CECR2: variants seen among roughly 807,000 people sequenced by gnomAD.
CECR2 encodes the protein CECR2 histone acetyl-lysine reader, also known as chromatin remodeling regulator CECR2.
A neutral mutation model predicts 154.5 loss-of-function variants in CECR2; 30 were observed. The ratio of observed to expected loss-of-function variants is 0.19; its 90% confidence interval spans 0.15 to 0.26. The LOEUF is 0.26. Ranked by LOEUF, CECR2 falls within the 10% of genes least tolerant of loss-of-function variation. The pLI is 1.00. For missense variants in CECR2, 1,743 were observed against 1,829.3 expected, an observed-to-expected ratio of 0.95 and a Z score of 0.86; for synonymous variants, 725 against 683.7, an observed-to-expected ratio of 1.06 and a Z score of -0.94.
intron 1 of CECR2, among the ~76,000 whole-genome samples, chr22:17,410,665 C>T (rs2054055404): frequency 6.6e-6 from 1 of 152,150 alleles, no homozygotes; most frequent in Non-Finnish European, 1.5e-5. Flanking sequence ...CCAGGCTGGT[C>T]TCGAACTCCT....
intron 2 of CECR2, among the ~76,000 whole-genome samples, chr22:17,480,421 C>CAT (rs2055287585): frequency 1.5e-5 from 1 of 64,556 alleles, no homozygotes; most frequent in Non-Finnish European, 3.4e-5. Flanking sequence ...ATGTATAATA[C>CAT]ACACACACAC....
chr22:17,388,307 AATTT>A (rs1256435613), intron 1 of CECR2, among the ~76,000 whole-genome samples: 2 of 152,118 alleles, frequency 1.3e-5, no homozygotes, highest in Non-Finnish European at 2.9e-5. Flanking sequence ...AAGTTACATG[AATTT>A]TGGTGCCATG....
At chr22:17,494,347 T>C (rs174288) in intron 2 of CECR2, among the ~76,000 whole-genome samples, 126,310 of 152,240 alleles carry the variant, frequency 0.83, 52,480 homozygotes, top group East Asian at 1. Flanking sequence ...CCACCATGCC[T>C]GGCCAAACTT....
intron 1 of CECR2, among the ~76,000 whole-genome samples, chr22:17,401,673 A>T (rs1302712354): frequency 6.6e-6 from 1 of 152,126 alleles, no homozygotes; most frequent in African/African-American, 2.4e-5. Flanking sequence ...GTTGAGTACT[A>T]TGCCAGTTGA....
intron 1 of CECR2, among the ~76,000 whole-genome samples, chr22:17,458,115 T>A (rs1251569686): frequency 6.6e-6 from 1 of 151,760 alleles, no homozygotes; most frequent in Non-Finnish European, 1.5e-5. Flanking sequence ...TCAATACATA[T>A]GATAAAACTG....
intron 2 of CECR2, 48 bp downstream of exon 2, chr22:17,477,730 T>G: frequency 7.7e-7 from 1 of 1,299,022 alleles, no homozygotes; most frequent in Non-Finnish European, 1.1e-6. Context: ...AAGAACTAAT[T>G]AACCAACCAT....
intron 5 of CECR2, among the ~76,000 whole-genome samples, chr22:17,501,427 G>A (rs1243735084): frequency 3.3e-5 from 5 of 151,970 alleles, no homozygotes; most frequent in Admixed American, 6.6e-5. Context: ...TCGTGGTGGC[G>A]GGTGCCTGTA....
intron 8 of CECR2, among the ~76,000 whole-genome samples, chr22:17,514,250 C>G (rs2056011352): frequency 6.6e-6 from 1 of 152,124 alleles, no homozygotes; most frequent in Admixed American, 6.6e-5. Context: ...ATTGCTGTTG[C>G]TAGGGAGCTG....
rs1444622624 is a variant in CECR2 at position 17,375,976 on chromosome 22, T to A, written c.126+6067T>A. ...ACTCTTATCTAAAAAAAAAAAAAAA[T>A]AGTCCTTTGTCACACTAATCTATTT... On this transcript the variant is annotated intron_variant, in intron 1 of 18. Coordinates refer to ENST00000262608, the MANE Select transcript of CECR2 (RefSeq NM_001290047.2). Among the ~76,000 whole-genome samples, 90 of 147,162 alleles carry A rather than the reference T, an allele frequency of 6.1e-4. 1 individual carries two copies. Among genetic ancestry groups the A allele is most frequent in the African/African-American group, 2.2e-3 (87 of 40,080 alleles).
chr22:17,439,198 C>A, intron 1 of CECR2, among the ~76,000 whole-genome samples: 1 of 147,648 alleles, frequency 6.8e-6, no homozygotes. Context: ...TTCCGTATAG[C>A]TAGTATTGGC....
intron 1 of CECR2, among the ~76,000 whole-genome samples, chr22:17,382,496 TCA>T (rs200692093): frequency 0.014 from 2,060 of 152,242 alleles, 39 homozygotes; most frequent in African/African-American, 0.047. Flanking sequence ...GTAAAGTGAG[TCA>T]CATGAAATTT....
chr22:17,473,238 C>T (rs1015735797), intron 1 of CECR2, among the ~76,000 whole-genome samples: 1 of 152,158 alleles, frequency 6.6e-6, no homozygotes, highest in African/African-American at 2.4e-5. Context: ...GTTTTTCCCC[C>T]CTTCCTCTTC....
intron 1 of CECR2, among the ~76,000 whole-genome samples, chr22:17,429,780 A>G (rs529396174): frequency 6.6e-6 from 1 of 152,304 alleles, no homozygotes; most frequent in African/African-American, 2.4e-5. Flanking sequence ...AGTGAATAAC[A>G]GGGAGAAGCA....
chr22:17,414,141 T>G (rs553611985), intron 1 of CECR2, among the ~76,000 whole-genome samples: 5 of 151,528 alleles, frequency 3.3e-5, no homozygotes, highest in Admixed American at 6.6e-5. Flanking sequence ...CCTGGCTAAT[T>G]TTTTGTATTT....
rs1476064838 is a variant in CECR2 at position 17,542,922 on chromosome 22, G to T, written c.2779G>T (p.Val927Leu). Residue 927 changes from valine (V) to leucine (L), a missense_variant, in exon 16 of 19, where the codon GTG (valine) becomes TTG (leucine). By Grantham distance (32) the Val-to-Leu change is conservative (BLOSUM62 1). Coordinates refer to ENST00000262608, the MANE Select transcript of CECR2 (RefSeq NM_001290047.2). ...GGTAGCTCACCCAATGTCAGTCACT[G>T]TGTCAGCCCCCAAGCCTGCCCTGGG... ...PQVAHPMSVT[V>L]SAPKPALGNP... 1 of 1,613,810 alleles carries T rather than the reference G, an allele frequency of 6.2e-7. No individual in the cohort carries two copies. Among genetic ancestry groups the T allele is most frequent in the African/African-American group, 1.3e-5 (1 of 74,900 alleles).
chr22:17,520,102 T>C (rs1213176776), intron 8 of CECR2, among the ~76,000 whole-genome samples: 1 of 152,196 alleles, frequency 6.6e-6, no homozygotes, highest in Non-Finnish European at 1.5e-5. Flanking sequence ...TTATCAAGTC[T>C]TGAGTGACTT....
intron 8 of CECR2, among the ~76,000 whole-genome samples, chr22:17,517,255 G>GC (rs2056076204): frequency 6.6e-6 from 1 of 151,712 alleles, no homozygotes; most frequent in Admixed American, 6.6e-5. Flanking sequence ...TATCTCTCTT[G>GC]CTTCGCTGTG....
At chr22:17,481,707 A>AT (rs2055322310) in intron 2 of CECR2, among the ~76,000 whole-genome samples, 1 of 152,214 alleles carries the variant, frequency 6.6e-6, no homozygotes, top group Non-Finnish European at 1.5e-5. Context: ...AGACACAAAA[A>AT]TTTTTATCCC....
intron 2 of CECR2, among the ~76,000 whole-genome samples, chr22:17,490,841 T>C (rs2055516130): frequency 2.6e-5 from 4 of 152,098 alleles, no homozygotes; most frequent in Admixed American, 2.6e-4. Flanking sequence ...AGAATACTTC[T>C]ATTACCCTAC....
Sources: gnomAD v4.1 joint callset for allele counts (sites outside exome capture counted in the v4.1 genomes callset) on GRCh38, gnomAD v4.1.1 for gene constraint, MANE v1.5 for transcripts, NCBI Gene and HGNC (gene_info 2026-07-23, HGNC 2026-07-21) for gene names.